Variants in EFCAB8 observed in about 807,000 individuals in gnomAD.
EFCAB8 encodes the protein EF-hand calcium binding domain 8.
EFCAB8 carries 100 observed loss-of-function variants against 116.3 expected under a neutral mutation model. The observed-to-expected ratio is 0.86, with a 90% CI of 0.73 to 1.02. The LOEUF (loss-of-function observed/expected upper bound fraction) is 1.02. Among genes scored for constraint, EFCAB8 ranks in the 50% least tolerant of loss-of-function variants. The pLI, the probability that EFCAB8 is intolerant of heterozygous loss-of-function variation, is 0.00. For missense variants in EFCAB8, 1,320 were observed against 1,416.9 expected, an observed-to-expected ratio of 0.93 and a Z score of 1.10; for synonymous variants, 558 against 567.9, an observed-to-expected ratio of 0.98 and a Z score of 0.25.
At chr20:32,960,939 G>A (rs1392419105) in intron 26 of EFCAB8, among the ~76,000 whole-genome samples, 197 bp from the exon 27 acceptor site, 1 of 152,216 alleles carries the variant, frequency 6.6e-6, no homozygotes, top group Non-Finnish European at 1.5e-5. Flanking sequence ...AGCAGGGCTG[G>A]GCACCTGGCC....
chr20:32,877,397 C>A (rs1003811030), intron 4 of EFCAB8, among the ~76,000 whole-genome samples: 2 of 151,692 alleles, frequency 1.3e-5, no homozygotes, highest in African/African-American at 4.8e-5. Flanking sequence ...TTAGTAGAAA[C>A]GGGGTTTCAC....
chr20:32,907,160 C>T (rs1047539474), intron 13 of EFCAB8, 166 bp downstream of exon 13: 1 of 979,236 alleles, frequency 1.0e-6, no homozygotes, highest in African/African-American at 1.8e-5. Context: ...CTGAGCATGT[C>T]CCCAGAGCTG....
intron 23 of EFCAB8, among the ~76,000 whole-genome samples, chr20:32,944,482 A>C (rs1183517192): frequency 6.6e-6 from 1 of 152,144 alleles, no homozygotes; most frequent in Non-Finnish European, 1.5e-5. Flanking sequence ...AATAATAATA[A>C]AAATAAAGTG....
intron 3 of EFCAB8, among the ~76,000 whole-genome samples, chr20:32,875,338 G>A (rs943864930): frequency 2.0e-5 from 3 of 151,942 alleles, no homozygotes; most frequent in Non-Finnish European, 4.4e-5. Context: ...GGCCAAGAGG[G>A]GCTGGATTTG....
intron 6 of EFCAB8, among the ~76,000 whole-genome samples, chr20:32,886,950 C>G (rs1985662199): frequency 6.6e-6 from 1 of 152,156 alleles, no homozygotes; most frequent in South Asian, 2.1e-4. Flanking sequence ...CTCTTGGTTT[C>G]TCTGAATAGT....
At chr20:32,889,818 A>G (rs1006637010) in intron 7 of EFCAB8, among the ~76,000 whole-genome samples, 1 of 151,958 alleles carries the variant, frequency 6.6e-6, no homozygotes, top group African/African-American at 2.4e-5. Context: ...CCTGGCCAAC[A>G]TGGTGAAACC....
At chr20:32,939,695 CT>C (rs1174957957) in intron 22 of EFCAB8, among the ~76,000 whole-genome samples, 7 of 124,328 alleles carry the variant, frequency 5.6e-5, no homozygotes, top group Admixed American at 8.0e-5. Context: ...CTCTCTCTCT[CT>C]TTTTTTTTTC....
At chr20:32,925,250 C>T (rs568866969) in intron 20 of EFCAB8, among the ~76,000 whole-genome samples, 1 of 152,246 alleles carries the variant, frequency 6.6e-6, no homozygotes, top group East Asian at 1.9e-4. Flanking sequence ...GATGGAGTCT[C>T]ACTCTGTTGT....
chr20:32,905,877 TC>T (rs1466013801), intron 11 of EFCAB8, among the ~76,000 whole-genome samples: 1 of 151,736 alleles, frequency 6.6e-6, no homozygotes, highest in African/African-American at 2.4e-5. Context: ...AGCGTGGCCC[TC>T]CTGCTGCTTC....
At chr20:32,937,780 G>A (rs1267078460) in intron 22 of EFCAB8, among the ~76,000 whole-genome samples, 1 of 149,160 alleles carries the variant, frequency 6.7e-6, no homozygotes, top group Admixed American at 6.6e-5. Flanking sequence ...CACCATGCCT[G>A]GCTAATTTTT....
At chr20:32,930,645 G>A in intron 21 of EFCAB8, 29 bp downstream of exon 21, 1 of 1,545,016 alleles carries the variant, frequency 6.5e-7, no homozygotes, top group Non-Finnish European at 8.8e-7. Context: ...GAAGATTGAG[G>A]GGCTGGTGCC....
At chr20:32,859,899 T>C (rs1456405216) in intron 1 of EFCAB8, among the ~76,000 whole-genome samples, 2 of 152,250 alleles carry the variant, frequency 1.3e-5, no homozygotes, top group African/African-American at 2.4e-5. Context: ...TGCAGCATTT[T>C]TGTTTTTTCC....
intron 11 of EFCAB8, among the ~76,000 whole-genome samples, chr20:32,899,219 A>G (rs1412386267): frequency 1.4e-5 from 2 of 146,388 alleles, no homozygotes; most frequent in African/African-American, 5.1e-5. Flanking sequence ...CCCCGTCTCT[A>G]CTAAAAATAC....
chr20:32,941,052 G>A (rs1287717309), intron 22 of EFCAB8, among the ~76,000 whole-genome samples: 1 of 149,242 alleles, frequency 6.7e-6, no homozygotes, highest in African/African-American at 2.5e-5. Flanking sequence ...AGGAGTTTGA[G>A]ACCAGCCTGG....
intron 20 of EFCAB8, among the ~76,000 whole-genome samples, chr20:32,921,361 T>G (rs1008550285): frequency 1.5e-4 from 20 of 129,162 alleles, no homozygotes; most frequent in Admixed American, 7.5e-5. Flanking sequence ...CCCAGCTATT[T>G]TGTGTGTGTG....
At chr20:32,925,772 C>G (rs1253798842) in intron 20 of EFCAB8, among the ~76,000 whole-genome samples, 1 of 152,234 alleles carries the variant, frequency 6.6e-6, no homozygotes, top group Non-Finnish European at 1.5e-5. Flanking sequence ...AGTAGCTTGC[C>G]ATGGCTCCTT....
chr20:32,920,185 G>A lies in EFCAB8; in HGVS notation c.2382G>A (p.Met794Ile), dbSNP rs1987382555. ...GAAAAGGAGAATGGCAGAAGAATATGTTGGTTCAATCCAGTGCCTCGGTGG... is the reference window on the plus strand; with the variant it reads ...GAAAAGGAGAATGGCAGAAGAATATATTGGTTCAATCCAGTGCCTCGGTGG... ...ETRKGEWQKN[M>I]LVQSSASVEK... is the part of the protein sequence containing the mutation. The change falls in exon 20 of 27, where the codon ATG (methionine) becomes ATA (isoleucine). Residue 794 changes from methionine (M) to isoleucine (I), a missense_variant. Coordinates refer to ENST00000400522, the MANE Select transcript of EFCAB8 (RefSeq NM_001143967.2). 6.4e-7 allele frequency: 1 copy of A among 1,551,702 alleles called. No homozygotes were observed. Among genetic ancestry groups the A allele is most frequent in the Non-Finnish European group, 8.7e-7 (1 of 1,147,004 alleles).
At chr20:32,882,366 C>T (rs1335704290) in intron 5 of EFCAB8, among the ~76,000 whole-genome samples, 1 of 152,206 alleles carries the variant, frequency 6.6e-6, no homozygotes, top group Non-Finnish European at 1.5e-5. Context: ...CTGTTCACGG[C>T]ACACTGTCCA....
chr20:32,929,594 G>A (rs35944660), intron 20 of EFCAB8, among the ~76,000 whole-genome samples: 25,505 of 148,572 alleles, frequency 0.17, 2,724 homozygotes, highest in Middle Eastern at 0.24. Flanking sequence ...CACCCGCCTC[G>A]GCCTCCCAAA....
Sources: gnomAD v4.1 joint callset for allele counts (sites outside exome capture counted in the v4.1 genomes callset) on GRCh38, gnomAD v4.1.1 for gene constraint, MANE v1.5 for transcripts, NCBI Gene and HGNC (gene_info 2026-07-23, HGNC 2026-07-21) for gene names.